SNX14: variants seen among roughly 807,000 people sequenced by gnomAD.
The protein encoded by SNX14 is sorting nexin 14, also known as sorting nexin-14.
SNX14 carries 93 observed loss-of-function variants against 133.8 expected under a neutral mutation model. The ratio of observed to expected loss-of-function variants is 0.70; its 90% CI spans 0.59 to 0.83. The LOEUF is 0.83. SNX14 is among the 40% of genes least tolerant of loss of function. SNX14 has a pLI of 0.00. For synonymous variants in SNX14, 368 were observed against 365.6 expected, an observed-to-expected ratio of 1.01 and a Z score of -0.07; for missense variants, 945 against 1,094.9, an observed-to-expected ratio of 0.86 and a Z score of 1.93.
At chr6:85,591,804 G>A (rs966921328) in intron 1 of SNX14, among the ~76,000 whole-genome samples, 12 of 152,170 alleles carry the variant, frequency 7.9e-5, no homozygotes, top group Non-Finnish European at 1.2e-4. Flanking sequence ...GAGATCAGGA[G>A]TTCGAGACCA....
chr6:85,529,908 G>A (rs1779691258), intron 19 of SNX14, among the ~76,000 whole-genome samples: 1 of 151,990 alleles, frequency 6.6e-6, no homozygotes, highest in African/African-American at 2.4e-5. Flanking sequence ...GAACGAAAAA[G>A]AGTAAATAGA....
intron 15 of SNX14, among the ~76,000 whole-genome samples, chr6:85,541,194 C>T (rs1390902318): frequency 2.0e-5 from 3 of 151,848 alleles, no homozygotes; most frequent in African/African-American, 4.8e-5. Context: ...GGTTTCACCA[C>T]GTTGGCCAGA....
chr6:85,533,944 G>T, intron 17 of SNX14, 144 bp from the exon 18 acceptor site: 1 of 694,894 alleles, frequency 1.4e-6, no homozygotes, highest in Non-Finnish European at 2.3e-6. Context: ...ATTTTCTACT[G>T]AAAAAGTAAA....
chr6:85,553,530 A>T (rs1018504970), intron 7 of SNX14, among the ~76,000 whole-genome samples: 1 of 152,066 alleles, frequency 6.6e-6, no homozygotes, highest in Non-Finnish European at 1.5e-5. Flanking sequence ...CACGCCTGTA[A>T]TCCCAGCACC....
intron 1 of SNX14, among the ~76,000 whole-genome samples, chr6:85,576,045 CTATTAT>C (rs1797226439): frequency 6.6e-6 from 1 of 152,052 alleles, no homozygotes; most frequent in African/African-American, 2.4e-5. Context: ...TTTCCCTATA[CTATTAT>C]AACTGACAAT....
intron 12 of SNX14, among the ~76,000 whole-genome samples, chr6:85,545,471 T>C (rs1785169926): frequency 6.6e-6 from 1 of 151,678 alleles, no homozygotes; most frequent in South Asian, 2.1e-4. Flanking sequence ...CACTCAAATA[T>C]AAAGAAAGAT....
chr6:85,569,208 C>T (rs1398290556), intron 4 of SNX14, among the ~76,000 whole-genome samples: 2 of 152,142 alleles, frequency 1.3e-5, no homozygotes, highest in African/African-American at 4.8e-5. Flanking sequence ...GTGATCCGCC[C>T]ACCTCGGCCT....
In SNX14 at chr6:85,508,220, G is replaced by A; in HGVS notation, c.2654-161C>T. On this transcript the variant is annotated intron_variant, in intron 26 of 28. Coordinates refer to ENST00000314673, the MANE Select transcript of SNX14 (RefSeq NM_153816.6). ...GTTTCTATAAGAGGCTCCTGGATAA[G>A]AGGTTTCTATGGTCAAGTTGACAAA... The A allele has an allele frequency of 2.3e-6, 3 of 1,289,182 alleles. No homozygotes were observed. In the South Asian group the frequency reaches 7.2e-5, roughly 31 times the overall value. The allele number at this position is 1,289,182 out of a possible 1,614,324, so 79.9% of individuals were successfully genotyped here.
At chr6:85,591,957 G>A (rs1333035538) in intron 1 of SNX14, among the ~76,000 whole-genome samples, 1 of 152,228 alleles carries the variant, frequency 6.6e-6, no homozygotes, top group Non-Finnish European at 1.5e-5. Flanking sequence ...CTGTTGCAGT[G>A]AGCCGAGACC....
At chr6:85,522,087 T>C (rs1442248291) in intron 21 of SNX14, among the ~76,000 whole-genome samples, 1 of 152,212 alleles carries the variant, frequency 6.6e-6, no homozygotes, top group Non-Finnish European at 1.5e-5. Context: ...TTCTAATACC[T>C]TTACAGGTTT....
intron 1 of SNX14, among the ~76,000 whole-genome samples, chr6:85,586,638 G>A (rs775498790): frequency 1.3e-5 from 2 of 152,060 alleles, no homozygotes; most frequent in South Asian, 2.1e-4. Flanking sequence ...TGGAGTGTCG[G>A]GGCACAATCA....
At chr6:85,582,304 C>T (rs1799284719) in intron 1 of SNX14, among the ~76,000 whole-genome samples, 2 of 152,072 alleles carry the variant, frequency 1.3e-5, no homozygotes, top group Admixed American at 1.3e-4. Flanking sequence ...CTTTCCCAGG[C>T]AAACAAAAGC....
In SNX14 at chr6:85,513,814, A is replaced by T; in HGVS notation, c.2639T>A (p.Met880Lys). 2 of 1,610,900 alleles carry T rather than the reference A, an allele frequency of 1.2e-6. No individual in the cohort carries two copies. Among genetic ancestry groups the T allele is most frequent in the Non-Finnish European group, 1.7e-6 (2 of 1,177,920 alleles). Residue 880 changes from methionine to lysine, a missense_variant, in exon 26 of 29, where the codon ATG becomes AAG. This residue lies in a region of SNX14 where 412 missense variants were observed against 516.6 expected (regional missense o/e 0.80). Coordinates refer to ENST00000314673, the MANE Select transcript of SNX14 (RefSeq NM_153816.6). ...KGAKQTFEEM[M>K]NYIPDLLVKC... The stretch of plus-strand genomic sequence containing the variant: ...AAATATTACACCTGGAATGTAATTC[A>T]TCATTTCTTCAAAAGTCTGTTTTGC...
At chr6:85,573,245 C>T (rs1011811856) in intron 2 of SNX14, among the ~76,000 whole-genome samples, 18 of 152,146 alleles carry the variant, frequency 1.2e-4, no homozygotes, top group African/African-American at 4.3e-4. Flanking sequence ...TTTGGTAGGC[C>T]GAGGCAAGTG....
chr6:85,511,918 G>A (rs1037332435), intron 26 of SNX14, among the ~76,000 whole-genome samples: 4 of 152,200 alleles, frequency 2.6e-5, no homozygotes, highest in African/African-American at 9.6e-5. Context: ...CAGGCCTTTA[G>A]TAATGTGGTG....
chr6:85,545,847 C>T (rs1785302021), intron 12 of SNX14, among the ~76,000 whole-genome samples: 1 of 152,186 alleles, frequency 6.6e-6, no homozygotes, highest in Admixed American at 6.5e-5. Flanking sequence ...ACACGCCCAG[C>T]TAATTTTTGT....
chr6:85,554,949 A>G (rs530113155), intron 7 of SNX14, among the ~76,000 whole-genome samples: 3 of 152,078 alleles, frequency 2.0e-5, no homozygotes, highest in African/African-American at 7.2e-5. Flanking sequence ...CCTCCCAAGT[A>G]GCTAGGACTT....
At position 85,528,288 on chromosome 6, in the gene SNX14, TCTTTGA is replaced by T; in HGVS notation, c.1963_1968del (p.Ser655_Lys656del). 3 of 1,613,240 alleles carry T rather than the reference TCTTTGA, an allele frequency of 1.9e-6. No individual in the cohort carries two copies. Among genetic ancestry groups the T allele is most frequent in the Non-Finnish European group, 2.5e-6 (3 of 1,179,456 alleles). ...TGTAGATATTCTTGGAACTCTTCCCTCTTTGACTTTAAGAATTCATAATTTTTGGGG... is the reference window on the plus strand; with the variant it reads ...TGTAGATATTCTTGGAACTCTTCCCTCTTTAAGAATTCATAATTTTTGGGG... On this transcript the variant is annotated inframe_deletion, in exon 20 of 29. Coordinates refer to ENST00000314673, the MANE Select transcript of SNX14 (RefSeq NM_153816.6).
intron 7 of SNX14, among the ~76,000 whole-genome samples, chr6:85,555,693 A>G (rs1004250690): frequency 4.6e-5 from 7 of 152,210 alleles, no homozygotes; most frequent in Admixed American, 3.9e-4. Flanking sequence ...CAATGTAAAG[A>G]GTAAAACCTA....
Sources: gnomAD v4.1 joint callset for allele counts (sites outside exome capture counted in the v4.1 genomes callset) on GRCh38, gnomAD v4.1.1 for gene constraint, gnomAD v4.1.1 regional missense constraint, MANE v1.5 for transcripts, NCBI Gene and HGNC (gene_info 2026-07-23, HGNC 2026-07-21) for gene names.